The following XRCC5 variants were observed in gnomAD, a reference collection of about 807,000 sequenced individuals.
The protein encoded by XRCC5 is X-ray repair cross complementing 5, also known as DNA repair protein Ku80.
In XRCC5, 12 loss-of-function variants were observed where a neutral mutation model predicts 95.7. The observed-to-expected ratio is 0.13, with a 90% CI of 0.08 to 0.20. The LOEUF (loss-of-function observed/expected upper bound fraction) is 0.20. Among genes scored for constraint, XRCC5 ranks in the 10% least tolerant of loss-of-function variants. XRCC5 has a pLI of 1.00. For missense variants in XRCC5, 595 were observed against 873.9 expected, an observed-to-expected ratio of 0.68 and a Z score of 4.02; for synonymous variants, 281 against 290.3, an observed-to-expected ratio of 0.97 and a Z score of 0.33.
intron 16 of XRCC5, chr2:216,176,094 T>G (rs997885513): frequency 5.5e-6 from 1 of 181,134 alleles, no homozygotes; most frequent in African/African-American, 2.4e-5. Flanking sequence ...GAAGAGGCTG[T>G]GGGAAGCTTT....
chr2:216,163,897 A>G (rs925818380), intron 16 of XRCC5, among the ~76,000 whole-genome samples: 2 of 152,222 alleles, frequency 1.3e-5, no homozygotes, highest in Admixed American at 6.5e-5. Context: ...GAGATGGAAG[A>G]AGAGCTTTTT....
At chr2:216,133,309 A>G (rs1697022888) in intron 10 of XRCC5, among the ~76,000 whole-genome samples, 1 of 152,228 alleles carries the variant, frequency 6.6e-6, no homozygotes, top group South Asian at 2.1e-4. Context: ...AGTCTAGTAT[A>G]TACTGTCAAA....
At chr2:216,133,368 G>T (rs1697023761) in intron 10 of XRCC5, among the ~76,000 whole-genome samples, 1 of 152,200 alleles carries the variant, frequency 6.6e-6, no homozygotes, top group Non-Finnish European at 1.5e-5. Flanking sequence ...TAAGAGACAA[G>T]ATCTCATATG....
At chr2:216,128,843 T>G (rs1696935524) in intron 8 of XRCC5, among the ~76,000 whole-genome samples, 1 of 152,192 alleles carries the variant, frequency 6.6e-6, no homozygotes, top group South Asian at 2.1e-4. Context: ...ATTTTATAGA[T>G]AAGGGAACTG....
At position 216,173,285 on chromosome 2, in the gene XRCC5, C is replaced by T. The variant is rs199629860; in HGVS notation, c.1834+11237C>T. 5.3e-5 allele frequency among the ~76,000 whole-genome samples: 8 copies of T among 152,068 alleles called. No homozygotes were observed. In the East Asian group the frequency reaches 1.5e-3, roughly 29 times the overall value. On this transcript the variant is annotated intron_variant, in intron 16 of 20. Coordinates refer to ENST00000392132, the MANE Select transcript of XRCC5 (RefSeq NM_021141.4). The stretch of plus-strand genomic sequence containing the variant: ...GTTGAATAGAAATAAGAGTGAACAT[C>T]CTTGCCCTGTTCCTGATCTTAAGGA...
chr2:216,173,516 AG>A (rs555430582), intron 16 of XRCC5, among the ~76,000 whole-genome samples: 71 of 152,334 alleles, frequency 4.7e-4, no homozygotes, highest in Non-Finnish European at 8.4e-4. Context: ...ATTGACTTAT[AG>A]TTGTTAAATC....
At chr2:216,126,203 G>A (rs531810213) in intron 7 of XRCC5, among the ~76,000 whole-genome samples, 172 bp downstream of exon 7, 1 of 152,302 alleles carries the variant, frequency 6.6e-6, no homozygotes, top group East Asian at 1.9e-4. Flanking sequence ...AGGCAGGCTA[G>A]GAGAGGAAGT....
At chr2:216,162,505 G>A (rs753665853) in intron 16 of XRCC5, among the ~76,000 whole-genome samples, 47 of 151,360 alleles carry the variant, frequency 3.1e-4, no homozygotes, top group Non-Finnish European at 6.2e-4. Context: ...GAGTTGAAGC[G>A]ATTCTCCTAC....
At chr2:216,173,048 G>A (rs1425872325) in intron 16 of XRCC5, among the ~76,000 whole-genome samples, 1 of 151,766 alleles carries the variant, frequency 6.6e-6, no homozygotes, top group Non-Finnish European at 1.5e-5. Flanking sequence ...ATTTGTTGCT[G>A]GTATATAGAA....
Position 216,124,256 on chromosome 2 carries a change from A to AT in XRCC5, c.684-1653dup, listed in dbSNP as rs547404356. On this transcript the variant is annotated intron_variant, in intron 6 of 20. Transcript: ENST00000392132. ...GCAGAACTGAGTCAGTTGTTCTTAGATTTTTTTTGAGACAGGGTCTAGCTC... is the reference window on the plus strand; with the variant it reads ...GCAGAACTGAGTCAGTTGTTCTTAGATTTTTTTTTGAGACAGGGTCTAGCTC... Among the ~76,000 whole-genome samples, 23 of 151,964 alleles carry AT rather than the reference A, an allele frequency of 1.5e-4. 1 individual carries two copies. The South Asian group carries it at 1.7e-3, about 11-fold the overall frequency.
At chr2:216,117,613 C>A in intron 3 of XRCC5, 133 bp from the exon 4 acceptor site, 1 of 747,698 alleles carries the variant, frequency 1.3e-6, no homozygotes, top group Non-Finnish European at 2.3e-6. Flanking sequence ...GGAAGAAGGG[C>A]ACTCAGGCAA....
At chr2:216,201,628 C>T (rs1406557130) in intron 19 of XRCC5, among the ~76,000 whole-genome samples, 1 of 152,202 alleles carries the variant, frequency 6.6e-6, no homozygotes, top group East Asian at 1.9e-4. Context: ...CACTCACACA[C>T]ATGCCCTTTC....
intron 16 of XRCC5, among the ~76,000 whole-genome samples, chr2:216,183,821 A>G (rs892772632): frequency 1.3e-5 from 2 of 152,234 alleles, no homozygotes; most frequent in African/African-American, 2.4e-5. Context: ...ACAAATTTCA[A>G]TGTCATTTTC....
chr2:216,141,155 A>G lies in XRCC5; in HGVS notation c.1343-31A>G, dbSNP rs748263525. ...TGTTTTAGTGGAGAATAATGGAAAT[A>G]ATCATTTTTCTTTCGGCTTCTCTGT... On this transcript the variant is annotated intron_variant, in intron 12 of 20. Transcript: ENST00000392132. 45 of 1,609,284 alleles carry G rather than the reference A, an allele frequency of 2.8e-5. No homozygotes were observed. The Admixed American group carries it at 7.6e-4, about 27-fold the overall frequency.
At chr2:216,160,861 G>T (rs1688939121) in intron 15 of XRCC5, among the ~76,000 whole-genome samples, 1 of 151,924 alleles carries the variant, frequency 6.6e-6, no homozygotes, top group African/African-American at 2.4e-5. Context: ...CTAGGACTAA[G>T]GGTACATGCC....
intron 11 of XRCC5, 128 bp from the exon 12 acceptor site, chr2:216,137,961 A>T: frequency 2.8e-6 from 2 of 707,420 alleles, no homozygotes; most frequent in Non-Finnish European, 4.6e-6. Flanking sequence ...CACTTTTCAT[A>T]TGCCAGAGTT....
At chr2:216,174,285 ATCTCT>A (rs1689228731) in intron 16 of XRCC5, among the ~76,000 whole-genome samples, 1 of 152,206 alleles carries the variant, frequency 6.6e-6, no homozygotes, top group South Asian at 2.1e-4. Flanking sequence ...ACATACAAAT[ATCTCT>A]TCTCTTCACA....
chr2:216,164,013 G>A (rs1689004532), intron 16 of XRCC5, among the ~76,000 whole-genome samples: 1 of 152,182 alleles, frequency 6.6e-6, no homozygotes, highest in South Asian at 2.1e-4. Context: ...CAGTTTTCTA[G>A]GATTGGTGAA....
intron 14 of XRCC5, among the ~76,000 whole-genome samples, chr2:216,150,975 T>C (rs1688732812): frequency 6.6e-6 from 1 of 152,202 alleles, no homozygotes; most frequent in Non-Finnish European, 1.5e-5. Context: ...TAAGAATTTT[T>C]CAGTTTCATT....
Sources: gnomAD v4.1 joint callset for allele counts (sites outside exome capture counted in the v4.1 genomes callset) on GRCh38, gnomAD v4.1.1 for gene constraint, MANE v1.5 for transcripts, NCBI Gene and HGNC (gene_info 2026-07-23, HGNC 2026-07-21) for gene names.